ABCA6: variants seen among roughly 807,000 people sequenced by gnomAD.
ABCA6 encodes the protein ATP binding cassette subfamily A member 6, also known as ATP-binding cassette sub-family A member 6.
Under a neutral mutation model 191.2 loss-of-function variants are expected in ABCA6, and 164 were observed. The ratio of observed to expected loss-of-function variants is 0.86; its 90% CI spans 0.76 to 0.98. The LOEUF is 0.98. Among genes scored for constraint, ABCA6 ranks in the 50% least tolerant of loss-of-function variants. ABCA6 has a pLI of 0.00. For missense variants in ABCA6, 1,958 were observed against 1,894.1 expected, an observed-to-expected ratio of 1.03 and a Z score of -0.63; for synonymous variants, 636 against 647.7, an observed-to-expected ratio of 0.98 and a Z score of 0.27.
At chr17:69,103,643 A>G (rs1020140538) in intron 20 of ABCA6, among the ~76,000 whole-genome samples, 1 of 152,038 alleles carries the variant, frequency 6.6e-6, no homozygotes, top group Non-Finnish European at 1.5e-5. Flanking sequence ...AATTTCCAGG[A>G]TACCTGAACT....
chr17:69,113,383 A>T, intron 14 of ABCA6, 23 bp from the exon 15 acceptor site: 1 of 1,577,864 alleles, frequency 6.3e-7, no homozygotes, highest in Non-Finnish European at 8.6e-7. Flanking sequence ...AAGATATATA[A>T]AATATGTCTC....
chr17:69,085,047 C>T lies in ABCA6; in HGVS notation c.4165G>A (p.Ala1389Thr), dbSNP rs2072744887. 6.2e-7 allele frequency: 1 copy of T among 1,610,900 alleles called. No homozygotes were observed. Among genetic ancestry groups the T allele is most frequent in the Non-Finnish European group, 8.5e-7 (1 of 1,179,272 alleles). The change falls in exon 32 of 39, where the codon GCG (alanine) becomes ACG (threonine). Residue 1389 changes from alanine (A) to threonine (T), a missense_variant. Coordinates refer to ENST00000284425, the MANE Select transcript of ABCA6 (RefSeq NM_080284.3). ...AAVKGLRKADARLAIARLVSA... is the reference protein window; with the variant it reads ...AAVKGLRKADTRLAIARLVSA... ...CTGTACCTTGCGATGGCGAGCCTCG[C>T]GTCCGCTTTCCTGAGCCCCTTGACG...
rs2072697434 is a variant in ABCA6 at position 69,083,661 on chromosome 17, C to CAATCAATAGATCAAAGGAGAT, written c.4356-331_4356-330insATCTCCTTTGATCTATTGATT. ...CAAAGGAGATTGGTTCTATTGATAC[C>CAATCAATAGATCAAAGGAGAT]TGCTGAAACTTGTCCATGGGAATAA... On this transcript the variant is annotated intron_variant, in intron 34 of 38. Coordinates refer to ENST00000284425, the MANE Select transcript of ABCA6 (RefSeq NM_080284.3). 2.6e-5 allele frequency among the ~76,000 whole-genome samples: 4 copies of CAATCAATAGATCAAAGGAGAT among 152,168 alleles called. No homozygotes were observed. The South Asian group carries it at 8.3e-4, about 32-fold the overall frequency.
chr17:69,084,856 C>G (rs1393895918), intron 32 of ABCA6, among the ~76,000 whole-genome samples, 172 bp downstream of exon 32: 1 of 152,096 alleles, frequency 6.6e-6, no homozygotes, highest in Non-Finnish European at 1.5e-5. Context: ...TTAAAGATCT[C>G]TCATTCAGGG....
intron 6 of ABCA6, among the ~76,000 whole-genome samples, chr17:69,133,220 A>G (rs2073895308): frequency 6.6e-6 from 1 of 152,154 alleles, no homozygotes; most frequent in Admixed American, 6.5e-5. Flanking sequence ...ACAGGATTAT[A>G]CTCTCTTCAA....
At position 69,087,451 on chromosome 17, in the gene ABCA6, C is replaced by G. The variant is rs2072826999; in HGVS notation, c.3721G>C (p.Ala1241Pro). 1.9e-6 allele frequency: 3 copies of G among 1,613,862 alleles called. No homozygotes were observed. Among genetic ancestry groups the G allele is most frequent in the Non-Finnish European group, 2.5e-6 (3 of 1,179,848 alleles). ...VFRISPQSRD[A>P]KPNPEEPIDE... ...ATGGGTTCTTCTGGATTTGGCTTAGCATCTCTACTTTGGGGGGAAATTCTA... is the reference window on the plus strand; with the variant it reads ...ATGGGTTCTTCTGGATTTGGCTTAGGATCTCTACTTTGGGGGGAAATTCTA... The change falls in exon 29 of 39, where the codon GCT becomes CCT. Residue 1241 changes from alanine (A) to proline (P), a missense_variant. Coordinates refer to ENST00000284425, the MANE Select transcript of ABCA6 (RefSeq NM_080284.3).
At position 69,097,906 on chromosome 17, in the gene ABCA6, C is replaced by A; in HGVS notation, c.3120+14G>T. 2 of 1,553,116 alleles carry A rather than the reference C, an allele frequency of 1.3e-6. No homozygotes were observed. The highest frequency in any genetic ancestry group is 2.1e-5 in the Admixed American group (1 of 46,852). On this transcript the variant is annotated intron_variant, in intron 23 of 38. Transcript: ENST00000284425. ...AAATTCCTGAAATTTCTTCTTTTCC[C>A]TGCTTTTTCTTACCTTGTAATCACT...
In ABCA6 at chr17:69,084,321, G is replaced by A; in HGVS notation, c.4295C>T (p.Pro1432Leu). The A allele has an allele frequency of 6.2e-7, 1 of 1,614,186 alleles. No homozygotes were observed. Among genetic ancestry groups the A allele is most frequent in the Non-Finnish European group, 8.5e-7 (1 of 1,180,020 alleles). The change falls in exon 34 of 39, where the codon CCT becomes CTT. Residue 1432 changes from proline to leucine, a missense_variant. Transcript: ENST00000284425. ...AGATGGTTCATCCAGGAGCAAGACA[G>A]GTGAGTTTCCCAGGAGGCTCAGCAC... is the stretch of plus-strand genomic sequence containing the variant. The part of the protein sequence containing the change: ...CFVLSLLGNS[P>L]VLLLDEPSTG...
At chr17:69,091,360 A>G (rs1486979605) in intron 25 of ABCA6, 98 bp from the exon 26 acceptor site, 4 of 1,326,876 alleles carry the variant, frequency 3.0e-6, no homozygotes, top group Non-Finnish European at 4.2e-6. Flanking sequence ...TGTATATCAT[A>G]ATGTTCCCAT....
rs758474711 is a variant in ABCA6 at position 69,084,314 on chromosome 17, C to G, written c.4302G>C (p.Leu1434Phe). 7 of 1,614,024 alleles carry G rather than the reference C, an allele frequency of 4.3e-6. No homozygotes were observed. The highest frequency in any genetic ancestry group is 1.7e-5 in the Admixed American group (1 of 60,000). ...TGCCCGTAGATGGTTCATCCAGGAG[C>G]AAGACAGGTGAGTTTCCCAGGAGGC... ...VLSLLGNSPV[L>F]LLDEPSTGID... Residue 1434 changes from leucine (L) to phenylalanine (F), a missense_variant, in exon 34 of 39, where the codon TTG (leucine) becomes TTC (phenylalanine). By Grantham distance (22) the Leu-to-Phe change is conservative. Transcript: ENST00000284425.
rs775164183 is a variant in ABCA6, at chr17:69,112,310, G to A, written c.2042-37C>T. 4.0e-6 allele frequency: 6 copies of A among 1,509,992 alleles called. No homozygotes were observed. The South Asian group carries it at 6.8e-5, about 17-fold the overall frequency. 93.5% of individuals were successfully genotyped at this position (1,509,992 alleles called of 1,614,324 possible). On this transcript the variant is annotated intron_variant, in intron 15 of 38. Coordinates refer to ENST00000284425, the MANE Select transcript of ABCA6 (RefSeq NM_080284.3). ...AAATCAAGGGAGAAAAGATATTGGG[G>A]GTCATTTCTTCTTTCTCTAGTAAAG...
chr17:69,102,198 T>C (rs1408053947), intron 21 of ABCA6, among the ~76,000 whole-genome samples: 2 of 152,070 alleles, frequency 1.3e-5, no homozygotes, highest in African/African-American at 4.8e-5. Context: ...ATTCAAAAAT[T>C]AGCTGGGCAT....
chr17:69,129,860 G>C, intron 6 of ABCA6, 109 bp from the exon 7 acceptor site: 1 of 768,152 alleles, frequency 1.3e-6, no homozygotes, highest in Non-Finnish European at 2.1e-6. Flanking sequence ...GTACCTTCTA[G>C]ATTAATAACT....
Position 69,130,775 on chromosome 17 carries a change from G to T in ABCA6, c.792-1024C>A, listed in dbSNP as rs535373968. Reference sequence around the variant, plus strand: ...ATCAAGTAACTCTATAAACACTGGGGCAGTTGATAATTTGACTATCCATGG... The same window carrying T: ...ATCAAGTAACTCTATAAACACTGGGTCAGTTGATAATTTGACTATCCATGG... On this transcript the variant is annotated intron_variant, in intron 6 of 38. Coordinates refer to ENST00000284425, the MANE Select transcript of ABCA6 (RefSeq NM_080284.3). Among the ~76,000 whole-genome samples the T allele has an allele frequency of 1.4e-4, 22 of 152,260 alleles. No individual in the cohort carries two copies. In the East Asian group the frequency reaches 4.2e-3, roughly 29 times the overall value.
chr17:69,083,480 A>C, intron 34 of ABCA6, 149 bp from the exon 35 acceptor site: 1 of 686,634 alleles, frequency 1.5e-6, no homozygotes, highest in Non-Finnish European at 2.1e-6. Context: ...AACATAAATA[A>C]CATTTTTAAG....
At chr17:69,118,558 T>C (rs1434091260) in intron 10 of ABCA6, among the ~76,000 whole-genome samples, 1 of 152,104 alleles carries the variant, frequency 6.6e-6, no homozygotes, top group Non-Finnish European at 1.5e-5. Flanking sequence ...GTGAACCACT[T>C]CATAATGAAA....
In ABCA6 at chr17:69,133,762, T is replaced by C; in HGVS notation, c.670A>G (p.Ile224Val). 1 of 1,611,952 alleles carries C rather than the reference T, an allele frequency of 6.2e-7. No homozygotes were observed. Among genetic ancestry groups the C allele is most frequent in the South Asian group, 1.1e-5 (1 of 90,942 alleles). Residue 224 changes from isoleucine (I) to valine (V), a missense_variant, in exon 6 of 39, where the codon ATT becomes GTT. Ile to Val is a conservative substitution (Grantham distance 29). Transcript: ENST00000284425. The part of the protein sequence containing the change: ...TKNLLHNEMF[I>V]LFFLLHFSPL... ...GAGAAATGAAGCAAGAAGAATAAAATAAACATCTCATTGTGAAGAAGATTT... is the reference window on the plus strand; with the variant it reads ...GAGAAATGAAGCAAGAAGAATAAAACAAACATCTCATTGTGAAGAAGATTT...
chr17:69,137,274 T>C, intron 3 of ABCA6, 22 bp downstream of exon 3: 1 of 1,604,424 alleles, frequency 6.2e-7, no homozygotes, highest in South Asian at 1.1e-5. Context: ...AGTAACTCTT[T>C]TTTTGCCATG....
At chr17:69,118,900 T>C (rs2073587314) in intron 10 of ABCA6, among the ~76,000 whole-genome samples, 1 of 151,934 alleles carries the variant, frequency 6.6e-6, no homozygotes, top group Non-Finnish European at 1.5e-5. Context: ...CATCTAATGG[T>C]TTGCTGCATA....
Sources: allele counts gnomAD v4.1 joint callset (sites outside exome capture counted in the v4.1 genomes callset), GRCh38; gene constraint gnomAD v4.1.1; transcripts MANE v1.5; gene names NCBI Gene and HGNC (gene_info 2026-07-23, HGNC 2026-07-21).